Variants in TRAF3 observed in about 807,000 individuals in gnomAD.
TRAF3 encodes TNF receptor associated factor 3.
A neutral mutation model predicts 62.3 loss-of-function variants in TRAF3; 13 were observed. That is an observed-to-expected ratio of 0.21 (90% CI 0.14 to 0.33). The LOEUF is 0.33. Among genes scored for constraint, TRAF3 ranks in the 10% least tolerant of loss-of-function variants. The pLI, the probability that TRAF3 is intolerant of heterozygous loss-of-function variation, is 1.00. For synonymous variants in TRAF3, 269 were observed against 283.4 expected (o/e 0.95, Z 0.51); for missense variants, 440 against 741.8 (o/e 0.59, Z 4.73).
At chr14:102,828,866 A>C (rs540074428) in intron 1 of TRAF3, among the ~76,000 whole-genome samples, 1 of 152,062 alleles carries the variant, frequency 6.6e-6, no homozygotes, top group East Asian at 1.9e-4. Flanking sequence ...GTAGATACGC[A>C]TAGAATATAT....
Position 102,910,916 on chromosome 14 carries a change from A to G in TRAF3, c.*5132A>G, listed in dbSNP as rs1218551224. 6.6e-6 allele frequency: 1 copy of G among 152,270 alleles called. No individual in the cohort carries two copies. The highest frequency in any genetic ancestry group is 1.5e-5 in the Non-Finnish European group (1 of 68,068). 9.4% of individuals were successfully genotyped at this position (152,270 alleles called of 1,614,324 possible). A position where few individuals can be genotyped will look rare whatever the true frequency, so the allele number is the denominator to read the frequency against. On this transcript the variant is annotated 3_prime_UTR_variant, in exon 12 of 12. Coordinates refer to ENST00000392745, the MANE Select transcript of TRAF3 (RefSeq NM_145725.3). ...ATTCAATGACTTAATTGGAAAACAC[A>G]CAAGCTGGCATGATGTCCGGTGATT...
chr14:102,839,210 C>CTTTTTTTTTTTTTTTTTT (rs56998347), intron 2 of TRAF3, among the ~76,000 whole-genome samples: 2 of 89,836 alleles, frequency 2.2e-5, no homozygotes, highest in African/African-American at 8.9e-5. Context: ...GTTGATTTGC[C>CTTTTTTTTTTTTTTTTTT]TTTTTTTTTT....
At chr14:102,802,208 G>A (rs1282000452) in intron 1 of TRAF3, among the ~76,000 whole-genome samples, 1 of 127,546 alleles carries the variant, frequency 7.8e-6, no homozygotes, top group African/African-American at 3.0e-5. Context: ...AGGCTGGAGT[G>A]CAGTGGCGCA....
At chr14:102,864,399 C>T (rs911889563) in intron 2 of TRAF3, among the ~76,000 whole-genome samples, 21 of 152,102 alleles carry the variant, frequency 1.4e-4, no homozygotes, top group East Asian at 3.8e-4. Flanking sequence ...CTGCCCACCT[C>T]GGCCTCCCAA....
intron 10 of TRAF3, among the ~76,000 whole-genome samples, chr14:102,901,579 A>G (rs2139995150): frequency 6.6e-6 from 1 of 152,318 alleles, no homozygotes; most frequent in South Asian, 2.1e-4. Flanking sequence ...TATCCTTCTG[A>G]ACATGTATGA....
At chr14:102,790,467 G>A in intron 1 of TRAF3, among the ~76,000 whole-genome samples, 1 of 152,190 alleles carries the variant, frequency 6.6e-6, no homozygotes. Flanking sequence ...AAGAAAAAGA[G>A]GTTTAATGGA....
At chr14:102,820,616 T>TATA (rs1899913065) in intron 1 of TRAF3, among the ~76,000 whole-genome samples, 5 of 21,648 alleles carry the variant, frequency 2.3e-4, no homozygotes, top group African/African-American at 1.2e-3. Context: ...ATATATATAT[T>TATA]TTTTTTTTTT....
chr14:102,836,201 G>A (rs1311364745), intron 2 of TRAF3, among the ~76,000 whole-genome samples: 1 of 152,246 alleles, frequency 6.6e-6, no homozygotes, highest in Non-Finnish European at 1.5e-5. Flanking sequence ...GCCAGGGCCT[G>A]TGCACCTGCT....
chr14:102,792,910 C>T (rs540396064), intron 1 of TRAF3, among the ~76,000 whole-genome samples: 51 of 151,342 alleles, frequency 3.4e-4, no homozygotes, highest in Non-Finnish European at 6.8e-4. Context: ...GGTGCGATCT[C>T]GGGTCACTGC....
intron 1 of TRAF3, among the ~76,000 whole-genome samples, chr14:102,820,738 C>T (rs56364120): frequency 0.028 from 4,142 of 147,044 alleles, 175 homozygotes; most frequent in African/African-American, 0.097. Context: ...TCAAGCGATC[C>T]CCCACCTCAG....
chr14:102,871,062 A>C (rs1888313401), intron 3 of TRAF3, among the ~76,000 whole-genome samples: 1 of 152,204 alleles, frequency 6.6e-6, no homozygotes, highest in Non-Finnish European at 1.5e-5. Flanking sequence ...GTTTTCTGGC[A>C]TTGTGCTGGG....
chr14:102,846,638 T>TA (rs752922791), intron 2 of TRAF3, among the ~76,000 whole-genome samples: 1,948 of 71,658 alleles, frequency 0.027, 108 homozygotes, highest in African/African-American at 0.074. Context: ...TCCAGCTTCT[T>TA]AAAAAAAAAA....
rs545443333 is a variant in TRAF3, at chr14:102,876,887, G to A, written c.570+362G>A. 1.5e-3 allele frequency among the ~76,000 whole-genome samples: 194 copies of A among 132,378 alleles called. 1 individual carries two copies. Among genetic ancestry groups the A allele is most frequent in the Non-Finnish European group, 2.1e-3 (132 of 63,896 alleles). The allele number at this position is 132,378 out of a possible 152,430, so 86.8% of individuals were successfully genotyped here. On this transcript the variant is annotated intron_variant, in intron 6 of 11. Transcript: ENST00000392745. ...GTTCCACAGGACTTCTGCTCAGTTC[G>A]TAGATAATCCGTTCCACAGGCCTTC...
At chr14:102,856,427 A>G (rs1028018022) in intron 2 of TRAF3, among the ~76,000 whole-genome samples, 4 of 152,210 alleles carry the variant, frequency 2.6e-5, no homozygotes, top group African/African-American at 9.7e-5. Flanking sequence ...GGAAACTGTC[A>G]TGGTGCTGGT....
rs1890809874 is a variant in TRAF3 at position 102,910,476 on chromosome 14, GGTCA to G, written c.*4695_*4698del. ...GCGCACCGGGGTCCTAGCCAGGCGA[GGTCA>G]GTGTCGGCAGGCTACCTGGTCATTA... On this transcript the variant is annotated 3_prime_UTR_variant, in exon 12 of 12. Coordinates refer to ENST00000392745, the MANE Select transcript of TRAF3 (RefSeq NM_145725.3). 1 of 152,280 alleles carries G rather than the reference GGTCA, an allele frequency of 6.6e-6. No homozygotes were observed. Among genetic ancestry groups the G allele is most frequent in the African/African-American group, 2.4e-5 (1 of 41,466 alleles). 9.4% of individuals were successfully genotyped at this position (152,280 alleles called of 1,614,324 possible). A position where few individuals can be genotyped will look rare whatever the true frequency, so the allele number is the denominator to read the frequency against.
chr14:102,861,430 C>T lies in TRAF3; in HGVS notation c.-17-8755C>T, dbSNP rs193247982. ...TCAAACCCAAGTTCAGTCAAGCGTG[C>T]TTGCCTTTTATTAACAGGCACCTTT... On this transcript the variant is annotated intron_variant, in intron 2 of 11. Coordinates refer to ENST00000392745, the MANE Select transcript of TRAF3 (RefSeq NM_145725.3). Among the ~76,000 whole-genome samples the T allele has an allele frequency of 1.7e-3, 255 of 152,300 alleles. 4 individuals are homozygous for T. Among genetic ancestry groups the T allele is most frequent in the East Asian group, 3.9e-4 (2 of 5,188 alleles).
At chr14:102,818,114 G>A (rs544404765) in intron 1 of TRAF3, among the ~76,000 whole-genome samples, 2 of 152,260 alleles carry the variant, frequency 1.3e-5, no homozygotes, top group East Asian at 1.9e-4. Context: ...AGCAACACTC[G>A]CCAGGGACAT....
chr14:102,811,349 G>A (rs1899122059), intron 1 of TRAF3, among the ~76,000 whole-genome samples: 1 of 151,514 alleles, frequency 6.6e-6, no homozygotes, highest in Admixed American at 6.6e-5. Flanking sequence ...CCTCAGGCGG[G>A]AGTGCAGTGG....
rs1595384791 is a variant in TRAF3 at position 102,876,219 on chromosome 14, T to TA, written c.403-138dup. 6 of 833,276 alleles carry TA rather than the reference T, an allele frequency of 7.2e-6. No individual in the cohort carries two copies. In the East Asian group the frequency reaches 1.6e-4, roughly 22 times the overall value. 51.6% of individuals were successfully genotyped at this position (833,276 alleles called of 1,614,324 possible). On this transcript the variant is annotated intron_variant, in intron 5 of 11. Transcript: ENST00000392745. ...ATTCAGTGTCTCTTGGCATACTTGT[T>TA]ACTCTTTGCTGTGGAAAACTGGTCT...
Sources: allele counts gnomAD v4.1 joint callset (sites outside exome capture counted in the v4.1 genomes callset), GRCh38; gene constraint gnomAD v4.1.1; transcripts MANE v1.5; gene names NCBI Gene and HGNC (gene_info 2026-07-23, HGNC 2026-07-21).